Variants in ZNF367 observed in about 807,000 individuals in gnomAD.
ZNF367 encodes the protein C2H2 zinc finger protein ZFF29.
Under a neutral mutation model 31.8 loss-of-function variants are expected in ZNF367, and 11 were observed. The ratio of observed to expected loss-of-function variants is 0.35; its 90% CI spans 0.22 to 0.57. The LOEUF is 0.57. Ranked by LOEUF, ZNF367 falls within the 20% of genes least tolerant of loss-of-function variation. ZNF367 has a pLI of 0.85. For missense variants in ZNF367, 353 were observed against 484.1 expected, an observed-to-expected ratio of 0.73 and a Z score of 2.54; for synonymous variants, 199 against 202.4, an observed-to-expected ratio of 0.98 and a Z score of 0.14.
At chr9:96,399,893 C>T (rs1179219107) in intron 1 of ZNF367, among the ~76,000 whole-genome samples, 1 of 152,090 alleles carries the variant, frequency 6.6e-6, no homozygotes, top group African/African-American at 2.4e-5. Flanking sequence ...ACAAACACAA[C>T]AAAGAACACA....
At chr9:96,391,375 G>T (rs544515198) in intron 4 of ZNF367, among the ~76,000 whole-genome samples, 1 of 152,240 alleles carries the variant, frequency 6.6e-6, no homozygotes, top group East Asian at 1.9e-4. Context: ...AGGCCTTCCT[G>T]AGTAAGAGAT....
intron 1 of ZNF367, chr9:96,407,393 A>G: frequency 6.7e-7 from 1 of 1,490,362 alleles, no homozygotes; most frequent in Non-Finnish European, 9.4e-7. Flanking sequence ...GAACGTTCAA[A>G]GAAGGCAAAG....
intron 4 of ZNF367, among the ~76,000 whole-genome samples, chr9:96,391,731 TAAG>T (rs902425900): frequency 6.6e-6 from 1 of 152,312 alleles, no homozygotes; most frequent in Admixed American, 6.5e-5. Context: ...GAACCTCACC[TAAG>T]AAGAACCACT....
chr9:96,401,875 T>G (rs140972274), intron 1 of ZNF367, among the ~76,000 whole-genome samples: 381 of 151,478 alleles, frequency 2.5e-3, no homozygotes, highest in African/African-American at 9.0e-3. Context: ...GGTGTGTGCC[T>G]ATAGTCCCAG....
At chr9:96,410,571 A>C (rs867583276) in intron 1 of ZNF367, among the ~76,000 whole-genome samples, 1,879 of 147,582 alleles carry the variant, frequency 0.013, 59 homozygotes, top group African/African-American at 0.044. Context: ...CAAAAAAAAA[A>C]AAAAAAAACA....
intron 1 of ZNF367, among the ~76,000 whole-genome samples, chr9:96,404,720 A>T (rs187855239): frequency 2.0e-5 from 3 of 152,148 alleles, no homozygotes; most frequent in Non-Finnish European, 4.4e-5. Context: ...GGATTCTTAG[A>T]TATGGCACCA....
chr9:96,386,737 C>A lies in ZNF367; in HGVS notation c.*1500G>T. 6.6e-6 allele frequency: 1 copy of A among 152,268 alleles called. No individual in the cohort carries two copies. 9.4% of individuals were successfully genotyped at this position (152,268 alleles called of 1,614,324 possible). A position where few individuals can be genotyped will look rare whatever the true frequency, so the allele number is the denominator to read the frequency against. ...CTCTTCAAGACATTTACATGCCTCC[C>A]CTTCCCCGTGGCTACATATTTTAAA... On this transcript the variant is annotated 3_prime_UTR_variant, in exon 5 of 5. Coordinates refer to ENST00000375256, the MANE Select transcript of ZNF367 (RefSeq NM_153695.4).
chr9:96,404,510 G>A (rs902832955), intron 1 of ZNF367, among the ~76,000 whole-genome samples: 10 of 151,548 alleles, frequency 6.6e-5, no homozygotes, highest in African/African-American at 2.4e-4. Context: ...GGAGAATGGC[G>A]TGAACCCGAG....
chr9:96,389,618 A>G (rs932911151), intron 4 of ZNF367, among the ~76,000 whole-genome samples: 1 of 152,230 alleles, frequency 6.6e-6, no homozygotes, highest in Non-Finnish European at 1.5e-5. Flanking sequence ...CACAGTATAT[A>G]CATGTCAAAA....
rs1370814939 is a variant in ZNF367 at position 96,392,462 on chromosome 9, G to C, written c.766C>G (p.Pro256Ala). 1.2e-6 allele frequency: 2 copies of C among 1,614,018 alleles called. No individual in the cohort carries two copies. The highest frequency in any genetic ancestry group is 1.7e-6 in the Non-Finnish European group (2 of 1,180,006). The change falls in exon 4 of 5, where the codon CCC becomes GCC. Residue 256 changes from proline (P) to alanine (A), a missense_variant. Physicochemically the swap from Pro to Ala is conservative, Grantham distance 27. Around this residue, in one of 5 missense-constraint regions of ZNF367, gnomAD observed 101 missense variants for 140.0 expected, o/e 0.72. Transcript: ENST00000375256. Reference sequence around the variant, plus strand: ...TGATGTTTGCTGAGTGTGTCCGTGGGCTCCTCTCTCTTCAGCCTGGCGTAG... The same window carrying C: ...TGATGTTTGCTGAGTGTGTCCGTGGCCTCCTCTCTCTTCAGCCTGGCGTAG... ...HPYARLKREEPTDTLSKHQAA... is the reference protein window; with the variant it reads ...HPYARLKREEATDTLSKHQAA...
At chr9:96,403,809 T>C (rs1831638682) in intron 1 of ZNF367, among the ~76,000 whole-genome samples, 1 of 152,194 alleles carries the variant, frequency 6.6e-6, no homozygotes, top group South Asian at 2.1e-4. Flanking sequence ...TGGATTTCCA[T>C]ATACAAAAGG....
At chr9:96,411,694 C>T (rs775010376) in intron 1 of ZNF367, among the ~76,000 whole-genome samples, 16 of 151,980 alleles carry the variant, frequency 1.1e-4, no homozygotes, top group Non-Finnish European at 1.6e-4. Flanking sequence ...CTCTAAGAGA[C>T]TGTTTCTGCC....
intron 4 of ZNF367, among the ~76,000 whole-genome samples, chr9:96,390,850 G>C (rs1022661410): frequency 4.6e-5 from 6 of 130,216 alleles, no homozygotes; most frequent in African/African-American, 1.8e-4. Context: ...TGCTACTACA[G>C]TCCAGTCTTG....
At chr9:96,411,639 G>A (rs930156313) in intron 1 of ZNF367, among the ~76,000 whole-genome samples, 2 of 151,858 alleles carry the variant, frequency 1.3e-5, no homozygotes, top group African/African-American at 2.4e-5. Flanking sequence ...TAACTGATTA[G>A]TTAACATAAA....
At chr9:96,416,801 T>C (rs1019179181) in intron 1 of ZNF367, among the ~76,000 whole-genome samples, 3 of 152,250 alleles carry the variant, frequency 2.0e-5, no homozygotes, top group Non-Finnish European at 4.4e-5. Flanking sequence ...GAAATACTCC[T>C]GGCTCACCTG....
chr9:96,390,112 G>A (rs192103586), intron 4 of ZNF367, among the ~76,000 whole-genome samples: 11 of 151,632 alleles, frequency 7.3e-5, no homozygotes, highest in African/African-American at 2.7e-4. Context: ...CTGCCATTTA[G>A]CCAGGCTGAT....
intron 1 of ZNF367, among the ~76,000 whole-genome samples, chr9:96,401,333 C>T (rs1283129323): frequency 1.3e-5 from 2 of 152,242 alleles, no homozygotes; most frequent in African/African-American, 4.8e-5. Context: ...CGAGACCGGC[C>T]TGACCAACAT....
At chr9:96,399,742 C>T (rs776048517) in intron 1 of ZNF367, among the ~76,000 whole-genome samples, 2 of 152,040 alleles carry the variant, frequency 1.3e-5, no homozygotes, top group African/African-American at 2.4e-5. Flanking sequence ...TGCTTGAACC[C>T]GAGAGGTGGA....
At position 96,388,429 on chromosome 9, in the gene ZNF367, G is replaced by A; in HGVS notation, c.861C>T (p.Pro287=). 2 of 1,613,944 alleles carry A rather than the reference G, an allele frequency of 1.2e-6. No individual in the cohort carries two copies. Among genetic ancestry groups the A allele is most frequent in the Non-Finnish European group, 1.7e-6 (2 of 1,180,024 alleles). ...TCTGAACCAGCTTGCCTTTCAAAGT[G>A]GGGGTGCGCTGCTCTCTCATTTCCC... The part of the protein sequence containing the change: ...RYWEMREQRT[P]TLKGKLVQKA... Residue 287 remains proline (P), a synonymous_variant, in exon 5 of 5, where the codon CCC becomes CCT. Coordinates refer to ENST00000375256, the MANE Select transcript of ZNF367 (RefSeq NM_153695.4).
Sources: allele counts gnomAD v4.1 joint callset (sites outside exome capture counted in the v4.1 genomes callset), GRCh38; gene constraint gnomAD v4.1.1; regional missense constraint gnomAD v4.1.1; transcripts MANE v1.5; gene names NCBI Gene and HGNC (gene_info 2026-07-23, HGNC 2026-07-21).